The following USP34 variants were observed in gnomAD, a reference collection of about 807,000 sequenced individuals.
The protein encoded by USP34 is ubiquitin carboxyl-terminal hydrolase 34.
USP34 carries 70 observed loss-of-function variants against 460.3 expected under a neutral mutation model. That is an observed-to-expected ratio of 0.15 (90% CI 0.13 to 0.19). The LOEUF (loss-of-function observed/expected upper bound fraction) is 0.19. Among genes scored for constraint, USP34 ranks in the 10% least tolerant of loss-of-function variants. The pLI is 1.00. For missense variants in USP34, 3,985 were observed against 4,236.2 expected (o/e 0.94, Z 1.65); for synonymous variants, 1,647 against 1,405.3 (o/e 1.17, Z -3.85).
chr2:61,236,133 A>T (rs141743485), intron 55 of USP34, 28 bp downstream of exon 55: 4 of 1,593,586 alleles, frequency 2.5e-6, no homozygotes, highest in Non-Finnish European at 3.4e-6. Flanking sequence ...ATTTTGACAG[A>T]ATTATTTAAA....
chr2:61,362,843 C>G (rs564859229), intron 10 of USP34, among the ~76,000 whole-genome samples: 2 of 152,308 alleles, frequency 1.3e-5, no homozygotes, highest in Admixed American at 1.3e-4. Flanking sequence ...ATTAAAACAT[C>G]AAGTTGTACA....
At chr2:61,360,730 C>T (rs1157919059) in intron 10 of USP34, among the ~76,000 whole-genome samples, 1 of 152,164 alleles carries the variant, frequency 6.6e-6, no homozygotes, top group Non-Finnish European at 1.5e-5. Flanking sequence ...CATCTTGGCT[C>T]ATTGCAGCCT....
chr2:61,395,734 G>T (rs1416451662), intron 3 of USP34, among the ~76,000 whole-genome samples: 4 of 142,324 alleles, frequency 2.8e-5, no homozygotes, highest in African/African-American at 1.1e-4. Flanking sequence ...TGCAGTGAGC[G>T]GAGATCGCGC....
chr2:61,404,856 AAGAT>A (rs1178423336), intron 3 of USP34, among the ~76,000 whole-genome samples: 1 of 152,192 alleles, frequency 6.6e-6, no homozygotes, highest in Admixed American at 6.6e-5. Flanking sequence ...AGTTAAGTCT[AAGAT>A]AGGTTACTAC....
At chr2:61,290,892 AG>A (rs779517558) in intron 33 of USP34, among the ~76,000 whole-genome samples, 2 of 152,138 alleles carry the variant, frequency 1.3e-5, no homozygotes, top group Non-Finnish European at 2.9e-5. Context: ...TCTCTGTGTA[AG>A]GGGATTAGGT....
intron 1 of USP34, among the ~76,000 whole-genome samples, chr2:61,455,914 G>A (rs1695424370): frequency 1.3e-5 from 2 of 152,084 alleles, no homozygotes; most frequent in Admixed American, 1.3e-4. Context: ...GCCAAAGTCA[G>A]AGACTTAATA....
rs532868161 is a variant in USP34 at position 61,208,298 on chromosome 2, G to A, written c.8919+601C>T. 3 of 152,358 alleles carry A rather than the reference G, an allele frequency of 2.0e-5. No homozygotes were observed. In the South Asian group the frequency reaches 6.2e-4, roughly 32 times the overall value. The allele number at this position is 152,358 out of a possible 1,614,324, so 9.4% of individuals were successfully genotyped here. A position where few individuals can be genotyped will look rare whatever the true frequency, so the allele number is the denominator to read the frequency against. ...TACCTGTGACCAGGAAGGCCCCAGA[G>A]GAAGGAGAGGCCTTGCTTTGGGTTG... On this transcript the variant is annotated intron_variant, in intron 70 of 79. Transcript: ENST00000398571.
chr2:61,352,815 G>A (rs200799160), intron 10 of USP34, among the ~76,000 whole-genome samples: 3 of 151,970 alleles, frequency 2.0e-5, no homozygotes, highest in African/African-American at 7.3e-5. Context: ...AGGACAAGGA[G>A]GATGAAGAAA....
intron 10 of USP34, among the ~76,000 whole-genome samples, chr2:61,356,222 TC>T (rs1232166453): frequency 6.6e-6 from 1 of 150,480 alleles, no homozygotes; most frequent in Admixed American, 6.6e-5. Context: ...GCACAGTGGC[TC>T]ATGCCTGTAA....
intron 62 of USP34, among the ~76,000 whole-genome samples, chr2:61,226,111 G>A (rs555063021): frequency 6.6e-6 from 1 of 152,202 alleles, no homozygotes; most frequent in East Asian, 1.9e-4. Flanking sequence ...ACAGGCGTGT[G>A]CCACCACACC....
chr2:61,378,519 T>A, intron 7 of USP34, 95 bp from the exon 8 acceptor site: 1 of 703,736 alleles, frequency 1.4e-6, no homozygotes, highest in Admixed American at 2.8e-5. Flanking sequence ...TTGACATATG[T>A]AGATCACAAT....
chr2:61,228,950 T>G lies in USP34; in HGVS notation c.7245A>C (p.Ser2415=), dbSNP rs555635157. Reference sequence around the variant, plus strand: ...GGGTTCTCACAAAGCGAGTGACACATGAACGACCACCAATATCTTCTACTG... The same window carrying G: ...GGGTTCTCACAAAGCGAGTGACACAGGAACGACCACCAATATCTTCTACTG... The part of the protein sequence containing the change: ...DTSVEDIGGR[S]CVTRFVRTLL... The change falls in exon 60 of 80, where the codon TCA becomes TCC. Residue 2415 remains serine (S), a synonymous_variant. Transcript: ENST00000398571. 5 of 1,608,550 alleles carry G rather than the reference T, an allele frequency of 3.1e-6. No individual in the cohort carries two copies. In the African/African-American group the frequency reaches 5.4e-5, roughly 17 times the overall value.
At chr2:61,315,758 C>T (rs1458636193) in intron 23 of USP34, among the ~76,000 whole-genome samples, 1 of 152,122 alleles carries the variant, frequency 6.6e-6, no homozygotes, top group South Asian at 2.1e-4. Context: ...CGAGTGGAAG[C>T]TTCCAAAAGT....
chr2:61,202,119 G>C (rs1463453896), intron 75 of USP34, among the ~76,000 whole-genome samples: 1 of 152,172 alleles, frequency 6.6e-6, no homozygotes, highest in Non-Finnish European at 1.5e-5. Context: ...AGATGGTTTT[G>C]CTGAAGTGGA....
At position 61,188,245 on chromosome 2, in the gene USP34, A is replaced by T. The variant is rs2103724885; in HGVS notation, c.10498T>A (p.Leu3500Ile). ...CTGGAATGGCCACAACTGAGAGATA[A>T]AGCAACCTCAGGGTCCTGGGAGGGC... Reference protein sequence around the residue: ...ALPSQDPEVALSLSCGHSRGL... With the variant: ...ALPSQDPEVAISLSCGHSRGL... The change falls in exon 80 of 80, where the codon TTA becomes ATA. Residue 3500 changes from leucine to isoleucine, a missense_variant. Transcript: ENST00000398571. 3.1e-6 allele frequency: 5 copies of T among 1,614,182 alleles called. No homozygotes were observed. Among genetic ancestry groups the T allele is most frequent in the Non-Finnish European group, 4.2e-6 (5 of 1,180,036 alleles).
At chr2:61,211,283 A>C (rs1242724319) in intron 69 of USP34, among the ~76,000 whole-genome samples, 1 of 152,236 alleles carries the variant, frequency 6.6e-6, no homozygotes, top group East Asian at 1.9e-4. Context: ...AGGGGAATTA[A>C]GGGTAATTTG....
chr2:61,374,499 T>C (rs1210759887), intron 8 of USP34, among the ~76,000 whole-genome samples: 1 of 152,220 alleles, frequency 6.6e-6, no homozygotes, highest in East Asian at 1.9e-4. Context: ...AATTTTCCAA[T>C]ATGCACATTC....
intron 5 of USP34, among the ~76,000 whole-genome samples, chr2:61,385,762 G>C (rs1693122436): frequency 6.6e-6 from 1 of 151,382 alleles, no homozygotes; most frequent in African/African-American, 2.4e-5. Flanking sequence ...AGGAGGCCGA[G>C]GTGGGCAGAT....
chr2:61,301,001 G>A lies in USP34; in HGVS notation c.4078C>T (p.Leu1360Phe), dbSNP rs1690202057. Residue 1360 changes from leucine to phenylalanine, a missense_variant, in exon 29 of 80, where the codon CTT becomes TTT. Physicochemically the swap from Leu to Phe is conservative, Grantham distance 22. Coordinates refer to ENST00000398571, the MANE Select transcript of USP34 (RefSeq NM_014709.4). ...CCTGAGGGTGGTTTAAATGATGCAA[G>A]CATCTCTAATAAATCAAAAAGAGTA... ...LTTLFDLLEM[L>F]ASFKPPSGKV... 4.3e-6 allele frequency: 7 copies of A among 1,613,860 alleles called. No homozygotes were observed. Among genetic ancestry groups the A allele is most frequent in the Non-Finnish European group, 5.1e-6 (6 of 1,179,926 alleles).
Sources: allele counts gnomAD v4.1 joint callset (sites outside exome capture counted in the v4.1 genomes callset), GRCh38; gene constraint gnomAD v4.1.1; transcripts MANE v1.5; gene names NCBI Gene and HGNC (gene_info 2026-07-23, HGNC 2026-07-21).